VPS50: variants seen among roughly 807,000 people sequenced by gnomAD.
VPS50 encodes syndetin.
Under a neutral mutation model 139.7 loss-of-function variants are expected in VPS50, and 70 were observed. The observed-to-expected ratio is 0.50, with a 90% CI of 0.41 to 0.61. The LOEUF is 0.61. Ranked by LOEUF, VPS50 falls within the 20% of genes least tolerant of loss-of-function variation. The pLI is 0.00. For synonymous variants in VPS50, 365 were observed against 376.7 expected (o/e 0.97, Z 0.36); for missense variants, 921 against 1,133.7 (o/e 0.81, Z 2.69).
intron 21 of VPS50, among the ~76,000 whole-genome samples, chr7:93,325,138 G>A (rs923781394): frequency 2.2e-4 from 34 of 152,058 alleles, no homozygotes; most frequent in African/African-American, 7.0e-4. Flanking sequence ...CAGAAAAAAC[G>A]CCGCATATCT....
chr7:93,242,083 T>TA lies in VPS50; in HGVS notation c.102+2159dup, dbSNP rs570877749. Among the ~76,000 whole-genome samples the TA allele has an allele frequency of 1.4e-3, 205 of 149,778 alleles. 2 individuals are homozygous for TA. The highest frequency in any genetic ancestry group is 3.7e-3 in the African/African-American group (150 of 40,928). Reference sequence around the variant, plus strand: ...ACATGGTAAACGGAAAAAGGTATCTTAAAAAAAAAATCACAAAAATCACCA... The same window carrying TA: ...ACATGGTAAACGGAAAAAGGTATCTTAAAAAAAAAAATCACAAAAATCACCA... On this transcript the variant is annotated intron_variant, in intron 2 of 27. Coordinates refer to ENST00000305866, the MANE Select transcript of VPS50 (RefSeq NM_017667.4).
At chr7:93,351,014 G>C (rs1310839226) in intron 25 of VPS50, among the ~76,000 whole-genome samples, 1 of 152,180 alleles carries the variant, frequency 6.6e-6, no homozygotes, top group African/African-American at 2.4e-5. Context: ...CCAATGAACA[G>C]AGCCATAGAT....
intron 2 of VPS50, among the ~76,000 whole-genome samples, chr7:93,245,355 A>G (rs1795117267): frequency 6.6e-6 from 1 of 151,836 alleles, no homozygotes; most frequent in Admixed American, 6.6e-5. Flanking sequence ...TGGAAGGTGG[A>G]AGAACCTGTG....
chr7:93,291,632 A>G, intron 12 of VPS50, 71 bp from the exon 13 acceptor site: 3 of 777,078 alleles, frequency 3.9e-6, no homozygotes, highest in Non-Finnish European at 5.6e-6. Flanking sequence ...TATTTGATTA[A>G]TAACCTATTT....
intron 9 of VPS50, among the ~76,000 whole-genome samples, chr7:93,262,434 A>T (rs1414946040): frequency 6.6e-6 from 1 of 152,220 alleles, no homozygotes; most frequent in African/African-American, 2.4e-5. Context: ...GAATGAGGTT[A>T]AAAGGTTGAA....
At chr7:93,341,723 G>T in intron 23 of VPS50, 148 bp downstream of exon 23, 1 of 499,038 alleles carries the variant, frequency 2.0e-6, no homozygotes. Context: ...TTCTAACACA[G>T]ATTACCAATT....
intron 18 of VPS50, among the ~76,000 whole-genome samples, chr7:93,307,992 T>G (rs1004700979): frequency 2.6e-5 from 4 of 151,960 alleles, no homozygotes; most frequent in Admixed American, 1.3e-4. Context: ...CATAGAAGTG[T>G]CTGTATGATT....
At chr7:93,357,410 C>T (rs895588320) in intron 27 of VPS50, among the ~76,000 whole-genome samples, 1 of 152,114 alleles carries the variant, frequency 6.6e-6, no homozygotes, top group Non-Finnish European at 1.5e-5. Context: ...AAGGAAACTT[C>T]CCACAATGAT....
intron 2 of VPS50, chr7:93,246,139 T>C (rs538240360): frequency 2.2e-4 from 325 of 1,465,812 alleles, no homozygotes; most frequent in Middle Eastern, 1.2e-3. Flanking sequence ...GGTAAGATTA[T>C]AGCTTCCGTT....
Position 93,297,123 on chromosome 7 carries a change from T to C in VPS50, c.1263-22T>C, listed in dbSNP as rs201348895. 6.9e-4 allele frequency: 1,073 copies of C among 1,550,896 alleles called. 5 individuals carry two copies. The highest frequency in any genetic ancestry group is 1.7e-4 in the Non-Finnish European group (202 of 1,160,720). ...CTATAAGGCTGCTGCTGAAATTTAC[T>C]GAAACCTTTTTATCCAACTAGGTTG... On this transcript the variant is annotated intron_variant, in intron 15 of 27. Transcript: ENST00000305866.
chr7:93,237,007 G>A (rs1794826796), intron 1 of VPS50, among the ~76,000 whole-genome samples: 1 of 132,716 alleles, frequency 7.5e-6, no homozygotes, highest in Non-Finnish European at 1.5e-5. Context: ...CTGGAGTGCA[G>A]TGGAGCGATC....
At chr7:93,303,982 A>G (rs1198011767) in intron 17 of VPS50, among the ~76,000 whole-genome samples, 1 of 151,832 alleles carries the variant, frequency 6.6e-6, no homozygotes, top group Non-Finnish European at 1.5e-5. Context: ...TTGTGCTGCA[A>G]TTCTTAAATT....
chr7:93,236,719 T>C (rs1331121502), intron 1 of VPS50, among the ~76,000 whole-genome samples: 1 of 152,150 alleles, frequency 6.6e-6, no homozygotes, highest in African/African-American at 2.4e-5. Flanking sequence ...AGTAGAAGTT[T>C]ATAAAACTGA....
intron 25 of VPS50, among the ~76,000 whole-genome samples, chr7:93,351,957 C>T (rs1798573816): frequency 6.6e-6 from 1 of 152,162 alleles, no homozygotes; most frequent in African/African-American, 2.4e-5. Context: ...CTTCTTTAAG[C>T]ATAAAGGTTA....
intron 22 of VPS50, among the ~76,000 whole-genome samples, chr7:93,335,111 TTCA>T (rs1326660287): frequency 2.0e-5 from 3 of 152,218 alleles, no homozygotes; most frequent in Non-Finnish European, 4.4e-5. Flanking sequence ...GAGCTGGGAA[TTCA>T]TCAGTGCACA....
intron 26 of VPS50, 53 bp from the exon 27 acceptor site, chr7:93,355,835 GTTT>G: frequency 9.1e-7 from 1 of 1,102,516 alleles, no homozygotes; most frequent in Non-Finnish European, 1.3e-6. Context: ...ATACCTGACA[GTTT>G]TTTGTTTCTA....
chr7:93,247,364 A>T (rs1795186933), intron 2 of VPS50, among the ~76,000 whole-genome samples: 1 of 152,126 alleles, frequency 6.6e-6, no homozygotes, highest in Admixed American at 6.6e-5. Flanking sequence ...TTTGGCATAC[A>T]TGCAGACTCT....
intron 12 of VPS50, among the ~76,000 whole-genome samples, chr7:93,278,246 AC>A (rs556007749): frequency 2.5e-3 from 384 of 152,252 alleles, no homozygotes; most frequent in African/African-American, 8.9e-3. Flanking sequence ...ATTTTTATGA[AC>A]AAAAATTTGT....
At position 93,356,076 on chromosome 7, in the gene VPS50, A is replaced by G. The variant is rs1316776745; in HGVS notation, c.2771A>G (p.His924Arg). ...ENDMERWIKE[H>R]REYSTKQLTN... ...GACATGGAACGGTGGATCAAAGAGC[A>G]CAGGGTGAGAGCTGGAAAATAGTTA... The change falls in exon 27 of 28, where the codon CAC (histidine) becomes CGC (arginine). Residue 924 changes from histidine (H) to arginine (R), a missense_variant. This residue lies in a region of VPS50 where 158 missense variants were observed against 156.3 expected (regional missense o/e 1.01). Transcript: ENST00000305866. The G allele has an allele frequency of 1.4e-6, 2 of 1,436,424 alleles. No individual in the cohort carries two copies. Among genetic ancestry groups the G allele is most frequent in the Admixed American group, 2.0e-5 (1 of 50,018 alleles). The allele number at this position is 1,436,424 out of a possible 1,614,324, so 89.0% of individuals were successfully genotyped here.
Sources: allele counts gnomAD v4.1 joint callset (sites outside exome capture counted in the v4.1 genomes callset), GRCh38; gene constraint gnomAD v4.1.1; regional missense constraint gnomAD v4.1.1; transcripts MANE v1.5; gene names NCBI Gene and HGNC (gene_info 2026-07-23, HGNC 2026-07-21).